The following MXD4 variants were observed in gnomAD, a reference collection of about 807,000 sequenced individuals.
The protein encoded by MXD4 is Mad4 homolog.
Under a neutral mutation model 24.5 loss-of-function variants are expected in MXD4, and 16 were observed. The ratio of observed to expected loss-of-function variants is 0.65; its 90% CI spans 0.44 to 0.99. MXD4 has a LOEUF of 0.99. Among genes scored for constraint, MXD4 ranks in the 50% least tolerant of loss-of-function variants. The pLI is 0.00. For missense variants in MXD4, 301 were observed against 301.5 expected, an observed-to-expected ratio of 1.00 and a Z score of 0.01; for synonymous variants, 164 against 134.2, an observed-to-expected ratio of 1.22 and a Z score of -1.54.
chr4:2,255,300 G>A (rs1444800341), intron 3 of MXD4: 1 of 456,238 alleles, frequency 2.2e-6, no homozygotes, highest in South Asian at 1.5e-5. Context: ...GGTCTCTGGG[G>A]TGGGGTGCAG....
Position 2,250,123 on chromosome 4 carries a change from GCCTT to G in MXD4, c.*417_*420del, listed in dbSNP as rs1290193818. On this transcript the variant is annotated 3_prime_UTR_variant, in exon 6 of 6. Coordinates refer to ENST00000337190, the MANE Select transcript of MXD4 (RefSeq NM_006454.3). ...GACGGACGGATGGACAGACAGCCTT[GCCTT>G]CCTTCCTTCCTCGGTCCACTCCTTT... is the stretch of plus-strand genomic sequence containing the variant. 1.6e-5 allele frequency: 3 copies of G among 186,276 alleles called. No individual in the cohort carries two copies. The highest frequency in any genetic ancestry group is 3.4e-5 in the Non-Finnish European group (3 of 88,164). 11.5% of individuals were successfully genotyped at this position (186,276 alleles called of 1,614,324 possible). A position where few individuals can be genotyped will look rare whatever the true frequency, so the allele number is the denominator to read the frequency against.
Position 2,250,613 on chromosome 4 carries a change from C to A in MXD4, c.561G>T (p.Gln187His). ...SSDADDHYSLQSGTGGDSGFG... is the reference protein window; with the variant it reads ...SSDADDHYSLHSGTGGDSGFG... Reference sequence around the variant, plus strand: ...AGCCACTGTCGCCGCCGGTGCCACTCTGCAGGCTGTAGTGGTCGTCCGCGT... The same window carrying A: ...AGCCACTGTCGCCGCCGGTGCCACTATGCAGGCTGTAGTGGTCGTCCGCGT... The change falls in exon 6 of 6, where the codon CAG (glutamine) becomes CAT (histidine). Residue 187 changes from glutamine to histidine, a missense_variant. Physicochemically the swap from Gln to His is conservative, Grantham distance 24. Coordinates refer to ENST00000337190, the MANE Select transcript of MXD4 (RefSeq NM_006454.3). 6.2e-7 allele frequency: 1 copy of A among 1,613,144 alleles called. No individual in the cohort carries two copies. Among genetic ancestry groups the A allele is most frequent in the Non-Finnish European group, 8.5e-7 (1 of 1,179,902 alleles).
intron 3 of MXD4, chr4:2,253,924 C>T (rs922130722): frequency 6.7e-6 from 1 of 150,212 alleles, no homozygotes. Flanking sequence ...GCCTCCCCAC[C>T]GCCAACAGGA....
chr4:2,258,935 T>G, intron 2 of MXD4: 1 of 456,094 alleles, frequency 2.2e-6, no homozygotes, highest in Non-Finnish European at 4.4e-6. Context: ...CCACAGGGTG[T>G]GCCACAGCAT....
chr4:2,256,976 C>T (rs1261443890), intron 3 of MXD4, among the ~76,000 whole-genome samples: 1 of 152,166 alleles, frequency 6.6e-6, no homozygotes, highest in Admixed American at 6.5e-5. Flanking sequence ...CTGCCTGGTT[C>T]TCTTGGGCCC....
intron 2 of MXD4, chr4:2,259,101 C>T (rs1735489224): frequency 5.2e-6 from 2 of 386,788 alleles, no homozygotes; most frequent in Non-Finnish European, 1.1e-5. Flanking sequence ...GGGGCACCTC[C>T]AGACCCAGCC....
chr4:2,261,687 G>A lies in MXD4; in HGVS notation c.164+38C>T, dbSNP rs1305640974. 12 of 1,228,804 alleles carry A rather than the reference G, an allele frequency of 9.8e-6. No individual in the cohort carries two copies. In the South Asian group the frequency reaches 1.0e-4, roughly 10 times the overall value. 76.1% of individuals were successfully genotyped at this position (1,228,804 alleles called of 1,614,324 possible). On this transcript the variant is annotated intron_variant, in intron 2 of 5. Coordinates refer to ENST00000337190, the MANE Select transcript of MXD4 (RefSeq NM_006454.3). Reference sequence around the variant, plus strand: ...ACGCTCCGGGCGGGGGCGGGGGTTCGGACCGGGCCGGGCGGGGTCGGGAGC... The same window carrying A: ...ACGCTCCGGGCGGGGGCGGGGGTTCAGACCGGGCCGGGCGGGGTCGGGAGC...
rs1735301974 is a variant in MXD4, at chr4:2,250,699, C to T, written c.475G>A (p.Val159Met). Residue 159 changes from valine to methionine, a missense_variant and splice_region_variant, in exon 6 of 6, where the codon GTG becomes ATG. By Grantham distance (21) the Val-to-Met change is conservative. Coordinates refer to ENST00000337190, the MANE Select transcript of MXD4 (RefSeq NM_006454.3). ...AVSTDDSEQEVDIEGMEFGPG... is the reference protein window; with the variant it reads ...AVSTDDSEQEMDIEGMEFGPG... Reference sequence around the variant, plus strand: ...CCAAACTCCATGCCCTCTATGTCCACTTCTAGGGAGAATAGAGTGGGGATG... The same window carrying T: ...CCAAACTCCATGCCCTCTATGTCCATTTCTAGGGAGAATAGAGTGGGGATG... 6.2e-7 allele frequency: 1 copy of T among 1,613,178 alleles called. No homozygotes were observed. Among genetic ancestry groups the T allele is most frequent in the Non-Finnish European group, 8.5e-7 (1 of 1,179,654 alleles).
At position 2,252,539 on chromosome 4, in the gene MXD4, C is replaced by A; in HGVS notation, c.195-17G>T. On this transcript the variant is annotated splice_polypyrimidine_tract_variant and intron_variant, in intron 3 of 5. Coordinates refer to ENST00000337190, the MANE Select transcript of MXD4 (RefSeq NM_006454.3). ...TTGGCTCGTCTGAAAGAGCCAGAGA[C>A]AGAACCATCAGGCTGGGGTGGGGGA... The A allele has an allele frequency of 6.3e-7, 1 of 1,587,296 alleles. No homozygotes were observed. Among genetic ancestry groups the A allele is most frequent in the Non-Finnish European group, 8.6e-7 (1 of 1,160,510 alleles).
rs1735280676 is a variant in MXD4 at position 2,249,945 on chromosome 4, G to A, written c.*599C>T. On this transcript the variant is annotated 3_prime_UTR_variant, in exon 6 of 6. Coordinates refer to ENST00000337190, the MANE Select transcript of MXD4 (RefSeq NM_006454.3). The stretch of plus-strand genomic sequence containing the variant: ...AGCTCGGCGTGGGCTGGGCTGGCCT[G>A]CCTGGCCCCGAGAGCCCAGCCCTAG... The A allele has an allele frequency of 6.5e-6, 1 of 153,628 alleles. No individual in the cohort carries two copies. Among genetic ancestry groups the A allele is most frequent in the Non-Finnish European group, 1.5e-5 (1 of 68,824 alleles). 9.5% of individuals were successfully genotyped at this position (153,628 alleles called of 1,614,324 possible). A position where few individuals can be genotyped will look rare whatever the true frequency, so the allele number is the denominator to read the frequency against.
In MXD4 at chr4:2,252,651, C is replaced by A. The variant is rs561439448; in HGVS notation, c.195-129G>T. ...GTGCTGAGGGTCCCTCTCTAAGGATCCCCTCCTGGCCTGGTTGGGAACCCC... is the reference window on the plus strand; with the variant it reads ...GTGCTGAGGGTCCCTCTCTAAGGATACCCTCCTGGCCTGGTTGGGAACCCC... On this transcript the variant is annotated intron_variant, in intron 3 of 5. Coordinates refer to ENST00000337190, the MANE Select transcript of MXD4 (RefSeq NM_006454.3). The A allele has an allele frequency of 4.7e-6, 3 of 639,084 alleles. No homozygotes were observed. The South Asian group carries it at 5.8e-5, about 12-fold the overall frequency. The allele number at this position is 639,084 out of a possible 1,614,324, so 39.6% of individuals were successfully genotyped here. A position where few individuals can be genotyped will look rare whatever the true frequency, so the allele number is the denominator to read the frequency against.
chr4:2,261,959 T>C lies in MXD4; in HGVS notation c.22A>G (p.Ile8Val). The change falls in exon 1 of 6, where the codon ATC becomes GTC. Residue 8 changes from isoleucine (I) to valine (V), a missense_variant. By Grantham distance (29) the Ile-to-Val change is conservative. Transcript: ENST00000337190. MELNSLL[I>V]LLEAAEYLER... ...AGGTACTCGGCCGCCTCCAGCAGGA[T>C]CAGCAGGGAGTTCAGCTCCATCCTC... 1 of 1,442,056 alleles carries C rather than the reference T, an allele frequency of 6.9e-7. No homozygotes were observed. Among genetic ancestry groups the C allele is most frequent in the Admixed American group, 2.2e-5 (1 of 45,206 alleles). The allele number at this position is 1,442,056 out of a possible 1,614,324, so 89.3% of individuals were successfully genotyped here.
rs936527154 is a variant in MXD4, at chr4:2,262,075, C to G, written c.-95G>C. ...TCGCCGCCCACCCCGCGCGCCCGGC[C>G]GCCGCACTTCCAGACTCCGCGGACT... On this transcript the variant is annotated 5_prime_UTR_variant, in exon 1 of 6. Coordinates refer to ENST00000337190, the MANE Select transcript of MXD4 (RefSeq NM_006454.3). The G allele has an allele frequency of 7.2e-5, 47 of 651,414 alleles. No homozygotes were observed. In the African/African-American group the frequency reaches 8.9e-4, roughly 12 times the overall value. The allele number at this position is 651,414 out of a possible 1,614,324, so 40.4% of individuals were successfully genotyped here. A position where few individuals can be genotyped will look rare whatever the true frequency, so the allele number is the denominator to read the frequency against.
intron 4 of MXD4, 111 bp downstream of exon 4, chr4:2,252,297 C>T (rs1413675994): frequency 4.6e-6 from 4 of 866,050 alleles, no homozygotes; most frequent in South Asian, 4.4e-5. Context: ...CACCCATCTT[C>T]AGGCCCTCTG....
rs1038823684 is a variant in MXD4 at position 2,248,252 on chromosome 4, C to T, written c.*2292G>A. 2 of 152,504 alleles carry T rather than the reference C, an allele frequency of 1.3e-5. No homozygotes were observed. The highest frequency in any genetic ancestry group is 4.8e-5 in the African/African-American group (2 of 41,454). The allele number at this position is 152,504 out of a possible 1,614,324, so 9.4% of individuals were successfully genotyped here. A position where few individuals can be genotyped will look rare whatever the true frequency, so the allele number is the denominator to read the frequency against. On this transcript the variant is annotated 3_prime_UTR_variant, in exon 6 of 6. Coordinates refer to ENST00000337190, the MANE Select transcript of MXD4 (RefSeq NM_006454.3). The stretch of plus-strand genomic sequence containing the variant: ...GCACCCCGGGTGGCTGAGACTGCCT[C>T]CCAGTCCACGTGGGAACCACGGCCT...
Position 2,262,102 on chromosome 4 carries a change from C to CG in MXD4, c.-123dup. On this transcript the variant is annotated 5_prime_UTR_variant, in exon 1 of 6. Coordinates refer to ENST00000337190, the MANE Select transcript of MXD4 (RefSeq NM_006454.3). ...CCGCACTTCCAGACTCCGCGGACTCCGGCGCTCGGCCGCCACCCTCCGCCT... is the reference window on the plus strand; with the variant it reads ...CCGCACTTCCAGACTCCGCGGACTCCGGGCGCTCGGCCGCCACCCTCCGCCT... 2.7e-6 allele frequency: 1 copy of CG among 367,338 alleles called. No individual in the cohort carries two copies. The highest frequency in any genetic ancestry group is 2.2e-5 in the African/African-American group (1 of 45,354). The allele number at this position is 367,338 out of a possible 1,614,324, so 22.8% of individuals were successfully genotyped here.
At chr4:2,258,169 G>A (rs540608295) in intron 2 of MXD4, among the ~76,000 whole-genome samples, 158 bp from the exon 3 acceptor site, 3 of 152,314 alleles carry the variant, frequency 2.0e-5, no homozygotes, top group Admixed American at 2.0e-4. Context: ...CAGGTGAGCA[G>A]TTGCCCACCC....
At chr4:2,257,007 T>C (rs887195019) in intron 3 of MXD4, among the ~76,000 whole-genome samples, 7 of 152,126 alleles carry the variant, frequency 4.6e-5, no homozygotes, top group Non-Finnish European at 7.4e-5. Context: ...CCCACCTCTG[T>C]GGCCTCTAGG....
Position 2,250,461 on chromosome 4 carries a change from A to G in MXD4, c.*83T>C. On this transcript the variant is annotated 3_prime_UTR_variant, in exon 6 of 6. Transcript: ENST00000337190. Reference sequence around the variant, plus strand: ...ATGGCACAGCAGTGGGCCTGTGGAGAGGCTGGCGTCAACTGAAGGAGAACT... The same window carrying G: ...ATGGCACAGCAGTGGGCCTGTGGAGGGGCTGGCGTCAACTGAAGGAGAACT... The G allele has an allele frequency of 7.0e-7, 1 of 1,421,754 alleles. No individual in the cohort carries two copies. Among genetic ancestry groups the G allele is most frequent in the Non-Finnish European group, 9.3e-7 (1 of 1,071,676 alleles). 88.1% of individuals were successfully genotyped at this position (1,421,754 alleles called of 1,614,324 possible). A position where few individuals can be genotyped will look rare whatever the true frequency, so the allele number is the denominator to read the frequency against.
Sources: gnomAD v4.1 joint callset for allele counts (sites outside exome capture counted in the v4.1 genomes callset) on GRCh38, gnomAD v4.1.1 for gene constraint, MANE v1.5 for transcripts, NCBI Gene and HGNC (gene_info 2026-07-23, HGNC 2026-07-21) for gene names.